Variants in FRAS1 observed in about 807,000 individuals in gnomAD.
The protein encoded by FRAS1 is extracellular matrix organizing protein FRAS1.
A neutral mutation model predicts 435.2 loss-of-function variants in FRAS1; 290 were observed. The ratio of observed to expected loss-of-function variants is 0.67; its 90% CI spans 0.61 to 0.73. FRAS1 has a LOEUF of 0.73. Among genes scored for constraint, FRAS1 ranks in the 30% least tolerant of loss-of-function variants. The pLI is 0.00. For synonymous variants in FRAS1, 1,800 were observed against 1,851.0 expected (o/e 0.97, Z 0.71); for missense variants, 4,860 against 5,001.5 (o/e 0.97, Z 0.85).
At chr4:78,476,953 G>A (rs1383085562) in intron 54 of FRAS1, among the ~76,000 whole-genome samples, 5 of 149,694 alleles carry the variant, frequency 3.3e-5, no homozygotes, top group Middle Eastern at 3.4e-3. Flanking sequence ...GTCCATAGTC[G>A]TGGTTTCACT....
chr4:78,129,114 A>T (rs1011172448), intron 2 of FRAS1, among the ~76,000 whole-genome samples: 1 of 152,126 alleles, frequency 6.6e-6, no homozygotes, highest in Non-Finnish European at 1.5e-5. Flanking sequence ...ATCGGTCTAT[A>T]TCTCTGTTTT....
intron 28 of FRAS1, among the ~76,000 whole-genome samples, chr4:78,386,622 T>A (rs535630368): frequency 2.6e-5 from 4 of 152,336 alleles, no homozygotes; most frequent in Non-Finnish European, 4.4e-5. Flanking sequence ...GATATTTTTT[T>A]AAAAACTGAA....
chr4:78,270,970 C>T (rs980050509), intron 9 of FRAS1, among the ~76,000 whole-genome samples: 3 of 152,004 alleles, frequency 2.0e-5, no homozygotes, highest in African/African-American at 4.8e-5. Context: ...TTCCTCTAAG[C>T]GTTTAGATTT....
intron 15 of FRAS1, among the ~76,000 whole-genome samples, chr4:78,315,029 C>A (rs181950474): frequency 1.3e-5 from 2 of 152,232 alleles, no homozygotes; most frequent in African/African-American, 4.8e-5. Flanking sequence ...GGCACAAGAC[C>A]TGACACAGAC....
At chr4:78,183,775 T>TGTGTG (rs55783941) in intron 2 of FRAS1, among the ~76,000 whole-genome samples, 12 of 150,586 alleles carry the variant, frequency 8.0e-5, no homozygotes, top group South Asian at 4.2e-4. Context: ...TGTGTGTGTG[T>TGTGTG]TTAAATATAT....
At chr4:78,515,190 T>C (rs1042395623) in intron 65 of FRAS1, among the ~76,000 whole-genome samples, 9 of 152,132 alleles carry the variant, frequency 5.9e-5, no homozygotes, top group Non-Finnish European at 1.0e-4. Context: ...ATTAAATAAT[T>C]TTTGCCTGGC....
At chr4:78,148,187 G>A (rs1221701917) in intron 2 of FRAS1, among the ~76,000 whole-genome samples, 2 of 151,962 alleles carry the variant, frequency 1.3e-5, no homozygotes, top group Non-Finnish European at 2.9e-5. Flanking sequence ...TCATTGGTGA[G>A]TAATATGCTA....
At chr4:78,460,344 G>A (rs1247137481) in intron 47 of FRAS1, among the ~76,000 whole-genome samples, 2 of 152,162 alleles carry the variant, frequency 1.3e-5, no homozygotes, top group African/African-American at 4.8e-5. Context: ...ACATAGTTTA[G>A]CCAGCAGGTT....
chr4:78,481,935 G>GTGGGAGC lies in FRAS1; in HGVS notation c.8578_8579insGAGCTGG (p.Glu2860GlyfsTer10), dbSNP rs1188919753. 1 of 1,613,744 alleles carries GTGGGAGC rather than the reference G, an allele frequency of 6.2e-7. No individual in the cohort carries two copies. The highest frequency in any genetic ancestry group is 8.5e-7 in the Non-Finnish European group (1 of 1,179,834). On this transcript the variant is annotated frameshift_variant, in exon 57 of 74. Coordinates refer to ENST00000512123, the MANE Select transcript of FRAS1 (RefSeq NM_025074.7). LOFTEE classifies it high-confidence loss of function. ...TGACTACGTTCCCAGCTCTCGGAAG[G>GTGGGAGC]TGGAATTTGGGCCTGGTGTCATTGA...
intron 14 of FRAS1, among the ~76,000 whole-genome samples, chr4:78,291,771 AAAAC>A (rs1727909499): frequency 1.3e-5 from 2 of 152,248 alleles, no homozygotes; most frequent in Non-Finnish European, 2.9e-5. Context: ...AAAATAAAAC[AAAAC>A]AAACAAAAAC....
intron 20 of FRAS1, among the ~76,000 whole-genome samples, chr4:78,343,418 C>T (rs888253527): frequency 1.4e-4 from 18 of 132,710 alleles, no homozygotes; most frequent in African/African-American, 5.2e-4. Flanking sequence ...GACTTCCCTC[C>T]CTCCCTCCCT....
intron 2 of FRAS1, 137 bp downstream of exon 2, chr4:78,066,153 C>G: frequency 1.4e-6 from 1 of 695,350 alleles, no homozygotes. Context: ...AGCCCTCATT[C>G]GGGCACAATG....
chr4:78,124,083 C>T (rs1035834696), intron 2 of FRAS1, among the ~76,000 whole-genome samples: 2 of 152,064 alleles, frequency 1.3e-5, no homozygotes, highest in Admixed American at 6.5e-5. Flanking sequence ...CAGTTTTTGC[C>T]CATTCAGTAT....
chr4:78,273,591 G>C (rs886140761), intron 9 of FRAS1, among the ~76,000 whole-genome samples: 1 of 152,054 alleles, frequency 6.6e-6, no homozygotes, highest in African/African-American at 2.4e-5. Context: ...TTTGTTTTTG[G>C]TTCTGTTTAT....
In FRAS1 at chr4:78,422,504, G is replaced by A. The variant is rs1333292663; in HGVS notation, c.4678+504G>A. Reference sequence around the variant, plus strand: ...GATGGGTAGAAGCTGACGAGGAAAAGTGTATGTATTTGGATGGTCAGGAAA... The same window carrying A: ...GATGGGTAGAAGCTGACGAGGAAAAATGTATGTATTTGGATGGTCAGGAAA... On this transcript the variant is annotated intron_variant, in intron 34 of 73. Coordinates refer to ENST00000512123, the MANE Select transcript of FRAS1 (RefSeq NM_025074.7). 2.0e-5 allele frequency among the ~76,000 whole-genome samples: 3 copies of A among 152,306 alleles called. No homozygotes were observed. The East Asian group carries it at 5.8e-4, about 29-fold the overall frequency.
intron 2 of FRAS1, among the ~76,000 whole-genome samples, chr4:78,140,678 TATATGCATATACATATGTGTATATGC>T (rs1560545981): frequency 2.1e-3 from 301 of 140,252 alleles, no homozygotes; most frequent in African/African-American, 7.3e-3. Flanking sequence ...TGTGTATATG[TATATGCATATACATATGTGTATATGC>T]ATATACGTGT....
chr4:78,058,783 A>G (rs1739599456), intron 1 of FRAS1, among the ~76,000 whole-genome samples: 1 of 152,234 alleles, frequency 6.6e-6, no homozygotes, highest in Non-Finnish European at 1.5e-5. Context: ...CGCAGGAGAG[A>G]AAAGGAAGCC....
chr4:78,285,786 G>T (rs1349884783), intron 13 of FRAS1, among the ~76,000 whole-genome samples: 1 of 152,060 alleles, frequency 6.6e-6, no homozygotes, highest in African/African-American at 2.4e-5. Context: ...TTCCTCAGAG[G>T]GTGGTTATAA....
intron 9 of FRAS1, among the ~76,000 whole-genome samples, 194 bp downstream of exon 9, chr4:78,267,626 C>G (rs1726432942): frequency 6.6e-6 from 1 of 152,244 alleles, no homozygotes; most frequent in Non-Finnish European, 1.5e-5. Context: ...TAGCTCAGAA[C>G]AGCCCCCTGG....
Sources: allele counts gnomAD v4.1 joint callset (sites outside exome capture counted in the v4.1 genomes callset), GRCh38; gene constraint gnomAD v4.1.1; transcripts MANE v1.5; gene names NCBI Gene and HGNC (gene_info 2026-07-23, HGNC 2026-07-21).